MYH10: variants seen among roughly 807,000 people sequenced by gnomAD.
MYH10 encodes the protein myosin heavy chain 10.
A neutral mutation model predicts 257.8 loss-of-function variants in MYH10; 55 were observed. That is an observed-to-expected ratio of 0.21 (90% confidence interval 0.17 to 0.27). The LOEUF is 0.27. Among genes scored for constraint, MYH10 ranks in the 10% least tolerant of loss-of-function variants. MYH10 has a pLI of 1.00. For synonymous variants in MYH10, 854 were observed against 921.7 expected, an observed-to-expected ratio of 0.93 and a Z score of 1.33; for missense variants, 1,631 against 2,500.6, an observed-to-expected ratio of 0.65 and a Z score of 7.42.
chr17:8,578,878 C>A (rs1367253856), intron 4 of MYH10, among the ~76,000 whole-genome samples: 5 of 152,066 alleles, frequency 3.3e-5, no homozygotes, highest in South Asian at 4.2e-4. Context: ...ACCCCAAACT[C>A]AAAAATGTTA....
chr17:8,624,753 G>A (rs1316869779), intron 1 of MYH10, among the ~76,000 whole-genome samples: 1 of 152,152 alleles, frequency 6.6e-6, no homozygotes, highest in Admixed American at 6.5e-5. Context: ...CACTGATAGT[G>A]GTTACACATT....
intron 3 of MYH10, among the ~76,000 whole-genome samples, chr17:8,597,275 T>C (rs897063921): frequency 6.6e-6 from 1 of 150,432 alleles, no homozygotes; most frequent in Non-Finnish European, 1.5e-5. Context: ...AAACTCTTCT[T>C]CCATAATAGG....
chr17:8,613,366 T>C (rs1373116766), intron 2 of MYH10, among the ~76,000 whole-genome samples: 3 of 152,140 alleles, frequency 2.0e-5, no homozygotes, highest in African/African-American at 7.2e-5. Context: ...ATATCGACAG[T>C]ATTAAAATGT....
chr17:8,545,722 A>G lies in MYH10; in HGVS notation c.1279-122T>C. On this transcript the variant is annotated intron_variant, in intron 12 of 42. Transcript: ENST00000360416. The surrounding 1 kb of genome is among the most constrained non-coding windows in gnomAD (Gnocchi z 4.7). ...AACCTGAGATGGCATTCACTGCTTA[A>G]TCATGTCTCAATTTTACACATCAAT... 1 of 892,514 alleles carries G rather than the reference A, an allele frequency of 1.1e-6. No individual in the cohort carries two copies. The highest frequency in any genetic ancestry group is 1.7e-6 in the Non-Finnish European group (1 of 598,638). 55.3% of individuals were successfully genotyped at this position (892,514 alleles called of 1,614,324 possible).
intron 31 of MYH10, 87 bp downstream of exon 31, chr17:8,495,050 G>C: frequency 1.2e-6 from 1 of 811,316 alleles, no homozygotes; most frequent in Non-Finnish European, 2.1e-6. Context: ...TGACACAGAA[G>C]GCAATTCTGG....
intron 26 of MYH10, among the ~76,000 whole-genome samples, chr17:8,507,896 C>T (rs1320957652): frequency 2.6e-5 from 4 of 151,948 alleles, no homozygotes; most frequent in South Asian, 2.1e-4. Flanking sequence ...TGCTTGAACG[C>T]GGGAGATGGA....
chr17:8,523,929 C>A (rs938284666), intron 17 of MYH10, among the ~76,000 whole-genome samples: 17 of 152,232 alleles, frequency 1.1e-4, no homozygotes, highest in Admixed American at 1.1e-3. Flanking sequence ...GATGGGAAGA[C>A]AAGACCCAAA....
In MYH10 at chr17:8,490,151, A is replaced by G; in HGVS notation, c.4884+189T>C. ...GGCAGGAATGATACTGAGAAATAGTAAGACCTAAACTAATTACAATAAAAT... is the reference window on the plus strand; with the variant it reads ...GGCAGGAATGATACTGAGAAATAGTGAGACCTAAACTAATTACAATAAAAT... On this transcript the variant is annotated intron_variant, in intron 35 of 42. Coordinates refer to ENST00000360416, the MANE Select transcript of MYH10 (RefSeq NM_001256012.3). The surrounding 1 kb of genome is among the most constrained non-coding windows in gnomAD (Gnocchi z 4.1). The G allele has an allele frequency of 1.8e-6, 1 of 563,686 alleles. No individual in the cohort carries two copies. The highest frequency in any genetic ancestry group is 3.1e-6 in the Non-Finnish European group (1 of 320,654). 34.9% of individuals were successfully genotyped at this position (563,686 alleles called of 1,614,324 possible).
At chr17:8,598,146 A>C (rs990417165) in intron 3 of MYH10, among the ~76,000 whole-genome samples, 3 of 152,112 alleles carry the variant, frequency 2.0e-5, no homozygotes, top group African/African-American at 7.2e-5. Context: ...CCTAGTCCTT[A>C]AGATTTGACA....
In MYH10 at chr17:8,552,077, C is replaced by G; in HGVS notation, c.888G>C (p.Gln296His). ...KDERTFHIFYQLLSGAGEHLK... is the reference protein window; with the variant it reads ...KDERTFHIFYHLLSGAGEHLK... Reference sequence around the variant, plus strand: ...GGTGTTCTCCTGCTCCAGATAACAACTGGTAAAAGATATGAAAAGTACGTT... The same window carrying G: ...GGTGTTCTCCTGCTCCAGATAACAAGTGGTAAAAGATATGAAAAGTACGTT... Residue 296 changes from glutamine to histidine, a missense_variant, in exon 9 of 43, where the codon CAG becomes CAC. Gln to His is a conservative substitution (Grantham distance 24). Coordinates refer to ENST00000360416, the MANE Select transcript of MYH10 (RefSeq NM_001256012.3). The surrounding 1 kb of genome is among the most constrained non-coding windows in gnomAD (Gnocchi z 4.8). The G allele has an allele frequency of 6.4e-7, 1 of 1,558,356 alleles. No homozygotes were observed. The highest frequency in any genetic ancestry group is 8.7e-7 in the Non-Finnish European group (1 of 1,147,466).
At chr17:8,583,605 A>AC (rs1341066924) in intron 4 of MYH10, among the ~76,000 whole-genome samples, 7 of 152,340 alleles carry the variant, frequency 4.6e-5, no homozygotes, top group Admixed American at 1.3e-4. Context: ...ATCTGACCAC[A>AC]CAATGTTTTT....
chr17:8,477,622 C>T lies in MYH10; in HGVS notation c.5707-574G>A, dbSNP rs543091148. Among the ~76,000 whole-genome samples, 6 of 152,198 alleles carry T rather than the reference C, an allele frequency of 3.9e-5. No individual in the cohort carries two copies. The highest frequency in any genetic ancestry group is 2.1e-4 in the South Asian group (1 of 4,818). On this transcript the variant is annotated intron_variant, in intron 41 of 42. Coordinates refer to ENST00000360416, the MANE Select transcript of MYH10 (RefSeq NM_001256012.3). The surrounding 1 kb of genome is among the most constrained non-coding windows in gnomAD (Gnocchi z 4.2). ...GCGCACACCACCCTCAACTGTGCTC[C>T]GTGTTGCTAGGCCCCAAGGGTGGGG... is the stretch of plus-strand genomic sequence containing the variant.
At chr17:8,476,109 T>C (rs1912555526) in intron 42 of MYH10, among the ~76,000 whole-genome samples, 161 bp from the exon 43 acceptor site, 1 of 152,172 alleles carries the variant, frequency 6.6e-6, no homozygotes, top group South Asian at 2.1e-4. Flanking sequence ...ACTGCGTGCT[T>C]TTCTGCCTCT....
At chr17:8,594,805 A>G (rs1272552606) in intron 3 of MYH10, among the ~76,000 whole-genome samples, 2 of 152,230 alleles carry the variant, frequency 1.3e-5, no homozygotes, top group African/African-American at 4.8e-5. Context: ...ATTACTTATA[A>G]TAGTATAATG....
In MYH10 at chr17:8,490,572, G is replaced by C; in HGVS notation, c.4672-20C>G. ...GTGAACCTAAACCACCGAAGCATCA[G>C]GAAAGAGTTGACCGGGGTGGAGGCA... On this transcript the variant is annotated intron_variant, in intron 34 of 42. Coordinates refer to ENST00000360416, the MANE Select transcript of MYH10 (RefSeq NM_001256012.3). This position sits in a 1 kb window ranked among gnomAD's most constrained non-coding sequence, Gnocchi z 4.1. 6.2e-7 allele frequency: 1 copy of C among 1,610,772 alleles called. No individual in the cohort carries two copies. Among genetic ancestry groups the C allele is most frequent in the Admixed American group, 1.7e-5 (1 of 60,016 alleles).
At chr17:8,551,161 T>A (rs61297797) in intron 9 of MYH10, among the ~76,000 whole-genome samples, 28,087 of 75,730 alleles carry the variant, frequency 0.37, 3,037 homozygotes, top group Admixed American at 0.47. Context: ...ATAATAAATT[T>A]AAAAAAAAAA....
rs147356915 is a variant in MYH10 at position 8,499,339 on chromosome 17, C to A, written c.3882G>T (p.Glu1294Asp). The A allele has an allele frequency of 1.2e-6, 2 of 1,614,154 alleles. No homozygotes were observed. Among genetic ancestry groups the A allele is most frequent in the East Asian group, 2.2e-5 (1 of 44,872 alleles). Residue 1294 changes from glutamate to aspartate, a missense_variant, in exon 30 of 43, where the codon GAG (glutamate) becomes GAT (aspartate). Around this residue, in one of 11 missense-constraint regions of MYH10, gnomAD observed 463 missense variants for 621.8 expected, o/e 0.74. Transcript: ENST00000360416. ...KRKKLDAQVQ[E>D]LHAKVSEGDR... ...CGCCTTCAGAGACCTTGGCATGGAG[C>A]TCCTGGACCTGCGCGTCGAGCTTCT...
At chr17:8,488,783 G>A (rs1915288786) in intron 35 of MYH10, among the ~76,000 whole-genome samples, 1 of 152,050 alleles carries the variant, frequency 6.6e-6, no homozygotes, top group Non-Finnish European at 1.5e-5. Context: ...TAGGGCAGAG[G>A]TGCTCGTCAT....
chr17:8,507,469 T>C (rs1163432784), intron 26 of MYH10, among the ~76,000 whole-genome samples: 3 of 152,212 alleles, frequency 2.0e-5, no homozygotes, highest in African/African-American at 7.2e-5. Flanking sequence ...GTCCTAGGAT[T>C]TCCTGATATT....
Sources: gnomAD v4.1 joint callset for allele counts (sites outside exome capture counted in the v4.1 genomes callset) on GRCh38, gnomAD v4.1.1 for gene constraint, gnomAD v4.1.1 regional missense constraint, Gnocchi (gnomAD v3.1) non-coding constraint, MANE v1.5 for transcripts, NCBI Gene and HGNC (gene_info 2026-07-23, HGNC 2026-07-21) for gene names.